Variants in CD82 observed in about 807,000 individuals in gnomAD.
CD82 encodes the protein CD82 molecule, also known as CD82 antigen.
Under a neutral mutation model 37.4 loss-of-function variants are expected in CD82, and 36 were observed. That is an observed-to-expected ratio of 0.96 (90% CI 0.74 to 1.27). The LOEUF (loss-of-function observed/expected upper bound fraction) is 1.27, where lower values mean the gene tolerates loss of function less well. Among genes scored for constraint, CD82 ranks in the 50% most tolerant of loss-of-function variants. The pLI, the probability that CD82 is intolerant of heterozygous loss-of-function variation, is 0.00. For missense variants in CD82, 340 were observed against 347.0 expected, an observed-to-expected ratio of 0.98 and a Z score of 0.16; for synonymous variants, 158 against 137.4, an observed-to-expected ratio of 1.15 and a Z score of -1.05.
rs757203164 is a variant in CD82, at chr11:44,618,264, G to A, written c.541G>A (p.Glu181Lys). 2 of 1,614,144 alleles carry A rather than the reference G, an allele frequency of 1.2e-6. No individual in the cohort carries two copies. The highest frequency in any genetic ancestry group is 2.2e-5 in the East Asian group (1 of 44,868). Residue 181 changes from glutamate (E) to lysine (K), a missense_variant, in exon 8 of 10, where the codon GAA (glutamate) becomes AAA (lysine). Transcript: ENST00000227155. ...CCCCTGTTCCTGCGAAGTCAAGGGG[G>A]AAGAGGACAACAGCCTTTCTGTGAG... The part of the protein sequence containing the change: ...TYPCSCEVKG[E>K]EDNSLSVRKG...
chr11:44,597,096 A>G lies in CD82; in HGVS notation c.63+2371A>G. On this transcript the variant is annotated intron_variant, in intron 3 of 9. Coordinates refer to ENST00000227155, the MANE Select transcript of CD82 (RefSeq NM_002231.4). The surrounding 1 kb of genome is among the most constrained non-coding windows in gnomAD (Gnocchi z 4.1). Reference sequence around the variant, plus strand: ...CCCGGCCAGCCTGCCTCTTTGTTTTATGCACATTGGGAGGGGTTTCGTGGT... The same window carrying G: ...CCCGGCCAGCCTGCCTCTTTGTTTTGTGCACATTGGGAGGGGTTTCGTGGT... 1 of 450,884 alleles carries G rather than the reference A, an allele frequency of 2.2e-6. No individual in the cohort carries two copies. The highest frequency in any genetic ancestry group is 4.5e-6 in the Non-Finnish European group (1 of 224,692). The allele number at this position is 450,884 out of a possible 1,614,324, so 27.9% of individuals were successfully genotyped here.
At chr11:44,604,285 T>G (rs956031486) in intron 4 of CD82, 1 of 152,576 alleles carries the variant, frequency 6.6e-6, no homozygotes, top group Non-Finnish European at 1.5e-5. Context: ...CTTGGCCGAA[T>G]GAACATGCAG....
intron 3 of CD82, among the ~76,000 whole-genome samples, chr11:44,595,716 G>T (rs1438984750): frequency 2.0e-5 from 3 of 151,794 alleles, no homozygotes; most frequent in Non-Finnish European, 2.9e-5. Flanking sequence ...GGAACAGGGG[G>T]TTTACATTAC....
At chr11:44,599,254 T>G (rs1853273187) in intron 3 of CD82, among the ~76,000 whole-genome samples, 1 of 152,224 alleles carries the variant, frequency 6.6e-6, no homozygotes, top group Non-Finnish European at 1.5e-5. Flanking sequence ...AGTGATCCTC[T>G]CTTCTCAGCT....
intron 3 of CD82, 68 bp from the exon 4 acceptor site, chr11:44,600,090 A>C: frequency 6.5e-7 from 1 of 1,536,746 alleles, no homozygotes; most frequent in South Asian, 1.1e-5. Context: ...CTTGGGTTCC[A>C]GGGACAGCTG....
At chr11:44,579,147 T>C (rs142849522) in intron 1 of CD82, among the ~76,000 whole-genome samples, 1 of 152,128 alleles carries the variant, frequency 6.6e-6, no homozygotes, top group African/African-American at 2.4e-5. Flanking sequence ...AACAGGCTTT[T>C]TCCCAGGGCA....
intron 1 of CD82, among the ~76,000 whole-genome samples, chr11:44,572,653 C>T (rs1852830572): frequency 6.6e-6 from 1 of 152,190 alleles, no homozygotes; most frequent in Admixed American, 6.5e-5. Context: ...TGTAATCCGC[C>T]TTCCCATGCG....
At chr11:44,578,543 G>T (rs1852933468) in intron 1 of CD82, among the ~76,000 whole-genome samples, 1 of 152,040 alleles carries the variant, frequency 6.6e-6, no homozygotes, top group Non-Finnish European at 1.5e-5. Context: ...TCCCTTTATT[G>T]TGTGTTTTGC....
chr11:44,566,971 A>T (rs77267507), intron 1 of CD82, among the ~76,000 whole-genome samples: 98 of 152,294 alleles, frequency 6.4e-4, no homozygotes, highest in African/African-American at 2.3e-3. Context: ...GTTGAGTTAA[A>T]TAAGTCTAAA....
intron 7 of CD82, among the ~76,000 whole-genome samples, chr11:44,617,806 A>G (rs897285617): frequency 6.6e-6 from 1 of 152,154 alleles, no homozygotes; most frequent in Non-Finnish European, 1.5e-5. Context: ...AGATGAGGAA[A>G]CTGAGGCTAG....
At chr11:44,614,724 G>A (rs1477613712) in intron 6 of CD82, among the ~76,000 whole-genome samples, 1 of 152,206 alleles carries the variant, frequency 6.6e-6, no homozygotes, top group African/African-American at 2.4e-5. Context: ...GAGTGGTCTG[G>A]TAAGGCCTTT....
intron 1 of CD82, among the ~76,000 whole-genome samples, chr11:44,578,823 TC>T (rs1188767316): frequency 6.6e-6 from 1 of 152,120 alleles, no homozygotes. Flanking sequence ...ATAGGGACTG[TC>T]CCCACTGCAC....
chr11:44,565,257 G>C (rs116735637), upstream of CD82, among the ~76,000 whole-genome samples: 792 of 152,252 alleles, frequency 5.2e-3, 8 homozygotes, highest in African/African-American at 0.018. Context: ...GGGTGGGCTC[G>C]AAGGAGAAAG....
chr11:44,568,574 C>T (rs982322892), intron 1 of CD82, among the ~76,000 whole-genome samples: 1 of 152,164 alleles, frequency 6.6e-6, no homozygotes, highest in Non-Finnish European at 1.5e-5. Flanking sequence ...CCCATCCCAG[C>T]CCAGGGAGGA....
At chr11:44,605,781 T>C (rs1853385858) in intron 6 of CD82, among the ~76,000 whole-genome samples, 1 of 152,238 alleles carries the variant, frequency 6.6e-6, no homozygotes, top group Admixed American at 6.5e-5. Context: ...TTCGAGATTA[T>C]CTGAGTGAAA....
At chr11:44,601,978 TC>T (rs1853315521) in intron 4 of CD82, among the ~76,000 whole-genome samples, 1 of 152,166 alleles carries the variant, frequency 6.6e-6, no homozygotes, top group Admixed American at 6.5e-5. Flanking sequence ...GACAGCTCTT[TC>T]CCTACCGAGT....
chr11:44,619,464 A>G lies in CD82; in HGVS notation c.*338A>G, dbSNP rs745846614. On this transcript the variant is annotated 3_prime_UTR_variant, in exon 10 of 10. Coordinates refer to ENST00000227155, the MANE Select transcript of CD82 (RefSeq NM_002231.4). ...ATATTGTATAGGGGCAACTGTATGAAAAATTGGGGAGGAGGGGGCCGGGCG... is the reference window on the plus strand; with the variant it reads ...ATATTGTATAGGGGCAACTGTATGAGAAATTGGGGAGGAGGGGGCCGGGCG... 7 of 220,110 alleles carry G rather than the reference A, an allele frequency of 3.2e-5. No individual in the cohort carries two copies. The highest frequency in any genetic ancestry group is 3.6e-5 in the Non-Finnish European group (4 of 110,524). 13.6% of individuals were successfully genotyped at this position (220,110 alleles called of 1,614,324 possible).
chr11:44,589,628 A>G (rs1163203926), intron 2 of CD82, among the ~76,000 whole-genome samples: 2 of 152,176 alleles, frequency 1.3e-5, no homozygotes, highest in Non-Finnish European at 2.9e-5. Context: ...ACGGGAGTCC[A>G]GTTGGGAGTT....
At chr11:44,618,616 T>C (rs760763762) in intron 8 of CD82, 24 bp from the exon 9 acceptor site, 1 of 1,586,326 alleles carries the variant, frequency 6.3e-7, no homozygotes, top group Admixed American at 1.7e-5. Context: ...AGCGGGGTGA[T>C]GTGACCGCAT....
Sources: allele counts gnomAD v4.1 joint callset (sites outside exome capture counted in the v4.1 genomes callset), GRCh38; gene constraint gnomAD v4.1.1; non-coding constraint Gnocchi (gnomAD v3.1); transcripts MANE v1.5; gene names NCBI Gene and HGNC (gene_info 2026-07-23, HGNC 2026-07-21).